The following ADGRG6 variants were observed in gnomAD, a reference collection of about 807,000 sequenced individuals.
ADGRG6 encodes G-protein coupled receptor 126.
In ADGRG6, 84 loss-of-function variants were observed where a neutral mutation model predicts 142.4. The ratio of observed to expected loss-of-function variants is 0.59; its 90% CI spans 0.49 to 0.71. The LOEUF (loss-of-function observed/expected upper bound fraction) is 0.71. Among genes scored for constraint, ADGRG6 ranks in the 30% least tolerant of loss-of-function variants. The pLI is 0.00. For synonymous variants in ADGRG6, 521 were observed against 520.5 expected (o/e 1.00, Z -0.01); for missense variants, 1,367 against 1,466.6 (o/e 0.93, Z 1.11).
chr6:142,312,884 G>A (rs905028308), intron 2 of ADGRG6, among the ~76,000 whole-genome samples: 4 of 152,066 alleles, frequency 2.6e-5, no homozygotes, highest in African/African-American at 9.7e-5. Flanking sequence ...TGGTCAAACT[G>A]CCTATTTGCT....
intron 2 of ADGRG6, among the ~76,000 whole-genome samples, chr6:142,318,244 A>ATATTATATATATATATTATATATATT (rs1778306786): frequency 2.0e-5 from 1 of 50,644 alleles, no homozygotes; most frequent in African/African-American, 1.0e-4. Context: ...ATATATATTT[A>ATATTATATATATATATTATATATATT]TATATTATAT....
Position 142,370,749 on chromosome 6 carries a change from A to T in ADGRG6, c.1025A>T (p.Asn342Ile), listed in dbSNP as rs749360660. Residue 342 changes from asparagine to isoleucine, a missense_variant, in exon 4 of 25, where the codon AAT (asparagine) becomes ATT (isoleucine). By Grantham distance (149) the Asn-to-Ile change is moderately radical. This residue lies in a region of ADGRG6 where 737 missense variants were observed against 746.5 expected (regional missense o/e 0.99). Coordinates refer to ENST00000367609, the MANE Select transcript of ADGRG6 (RefSeq NM_198569.3). ...GTCGACTGGCAAAATGACTTCTGGA[A>T]TATCCCAAACCTAGCTCTGAAAGCT... Reference protein sequence around the residue: ...NVVDWQNDFWNIPNLALKAES... With the variant: ...NVVDWQNDFWIIPNLALKAES... The T allele has an allele frequency of 6.2e-7, 1 of 1,613,838 alleles. No homozygotes were observed. The highest frequency in any genetic ancestry group is 1.3e-5 in the African/African-American group (1 of 75,016).
chr6:142,302,518 G>A, intron 1 of ADGRG6, 187 bp downstream of exon 1: 1 of 574,504 alleles, frequency 1.7e-6, no homozygotes, highest in Non-Finnish European at 3.0e-6. Context: ...CTATTGCCAA[G>A]TGGAGTTGTG....
At chr6:142,352,300 C>T (rs894446322) in intron 2 of ADGRG6, among the ~76,000 whole-genome samples, 2 of 152,158 alleles carry the variant, frequency 1.3e-5, no homozygotes, top group African/African-American at 2.4e-5. Context: ...AGAATGAAAT[C>T]ATTTCCTGTG....
chr6:142,318,255 ATATT>A (rs1178667452), intron 2 of ADGRG6, among the ~76,000 whole-genome samples: 2 of 66,462 alleles, frequency 3.0e-5, no homozygotes, highest in Non-Finnish European at 5.0e-5. Context: ...TATATTATAT[ATATT>A]TATTATATAT....
chr6:142,436,761 G>A lies in ADGRG6; in HGVS notation c.3320-673G>A, dbSNP rs531826963. 2.9e-4 allele frequency among the ~76,000 whole-genome samples: 44 copies of A among 152,294 alleles called. No individual in the cohort carries two copies. The South Asian group carries it at 5.2e-3, about 18-fold the overall frequency. On this transcript the variant is annotated intron_variant, in intron 22 of 24. Coordinates refer to ENST00000367609, the MANE Select transcript of ADGRG6 (RefSeq NM_198569.3). Reference sequence around the variant, plus strand: ...AAGCAAATGCCCTGAAAAGTTAAAAGGGATTGGCTTCTAAGATACAAATGA... The same window carrying A: ...AAGCAAATGCCCTGAAAAGTTAAAAAGGATTGGCTTCTAAGATACAAATGA...
At chr6:142,417,100 G>T (rs1233350436) in intron 20 of ADGRG6, 173 bp from the exon 21 acceptor site, 2 of 667,168 alleles carry the variant, frequency 3.0e-6, no homozygotes, top group Non-Finnish European at 5.5e-6. Context: ...CCAAGGAGGG[G>T]ATTTTGTTGT....
intron 2 of ADGRG6, among the ~76,000 whole-genome samples, chr6:142,326,601 G>A (rs186379735): frequency 6.6e-6 from 1 of 151,276 alleles, no homozygotes; most frequent in East Asian, 2.0e-4. Context: ...ACAGAGTTTT[G>A]TTCTTATGTA....
intron 2 of ADGRG6, among the ~76,000 whole-genome samples, chr6:142,349,023 G>C (rs1290214417): frequency 6.6e-6 from 1 of 152,222 alleles, no homozygotes; most frequent in East Asian, 1.9e-4. Flanking sequence ...ACATTTTAAA[G>C]CATTAATGCT....
chr6:142,371,495 T>G (rs1285137639), intron 4 of ADGRG6, among the ~76,000 whole-genome samples: 5 of 148,762 alleles, frequency 3.4e-5, no homozygotes, highest in African/African-American at 1.2e-4. Flanking sequence ...TTTTTTTTTT[T>G]TTTTTTGAGA....
In ADGRG6 at chr6:142,438,252, T is replaced by C; in HGVS notation, c.3462T>C (p.Ser1154=). ...CTACCAATATCATCAAGAAAAGTTC[T>C]GATAATCTAGGAAAATCTTTGTCTT... ...KTATNIIKKS[S]DNLGKSLSSS... Residue 1154 remains serine (S), a synonymous_variant, in exon 24 of 25, where the codon TCT becomes TCC. Coordinates refer to ENST00000367609, the MANE Select transcript of ADGRG6 (RefSeq NM_198569.3). 2 of 1,605,968 alleles carry C rather than the reference T, an allele frequency of 1.2e-6. No individual in the cohort carries two copies. The highest frequency in any genetic ancestry group is 1.7e-6 in the Non-Finnish European group (2 of 1,175,096).
chr6:142,331,216 G>A (rs184580075), intron 2 of ADGRG6, among the ~76,000 whole-genome samples: 4 of 151,468 alleles, frequency 2.6e-5, no homozygotes, highest in African/African-American at 7.3e-5. Context: ...TCTAACCTTT[G>A]CCATCTGTAT....
intron 2 of ADGRG6, among the ~76,000 whole-genome samples, chr6:142,346,794 A>G (rs1220072692): frequency 7.0e-6 from 1 of 143,694 alleles, no homozygotes; most frequent in Admixed American, 7.5e-5. Flanking sequence ...CAAACACCAC[A>G]TGCTCTCACT....
Position 142,415,040 on chromosome 6 carries a change from G to T in ADGRG6, c.2613G>T (p.Gly871=). The T allele has an allele frequency of 6.2e-7, 1 of 1,610,372 alleles. No individual in the cohort carries two copies. The highest frequency in any genetic ancestry group is 8.5e-7 in the Non-Finnish European group (1 of 1,177,882). The change falls in exon 19 of 25, where the codon GGG becomes GGT. Residue 871 remains glycine (G), a synonymous_variant. Coordinates refer to ENST00000367609, the MANE Select transcript of ADGRG6 (RefSeq NM_198569.3). ...TKVLTFISYI[G]CGISAIFSAA... is the part of the protein sequence containing the mutation. The stretch of plus-strand genomic sequence containing the variant: ...TCCTCACTTTCATCAGCTATATTGG[G>T]TGTGGAATATCTGCTATTTTTTCAG...
Position 142,415,081 on chromosome 6 carries a change from C to T in ADGRG6, c.2654C>T (p.Thr885Ile), listed in dbSNP as rs1776289645. The change falls in exon 19 of 25, where the codon ACA (threonine) becomes ATA (isoleucine). Residue 885 changes from threonine to isoleucine, a missense_variant. Physicochemically the swap from Thr to Ile is moderately conservative, Grantham distance 89. Coordinates refer to ENST00000367609, the MANE Select transcript of ADGRG6 (RefSeq NM_198569.3). ...SAIFSAATLL[T>I]YVAFEKLRRD... Reference sequence around the variant, plus strand: ...ATTTTTTCAGCAGCAACTCTCCTGACATATGTTGCTTTTGAGTAAGTATAT... The same window carrying T: ...ATTTTTTCAGCAGCAACTCTCCTGATATATGTTGCTTTTGAGTAAGTATAT... The T allele has an allele frequency of 6.2e-7, 1 of 1,610,096 alleles. No individual in the cohort carries two copies.
At position 142,353,435 on chromosome 6, in the gene ADGRG6, C is replaced by G. The variant is rs2114785593; in HGVS notation, c.104-14134C>G. Among the ~76,000 whole-genome samples, 3 of 152,194 alleles carry G rather than the reference C, an allele frequency of 2.0e-5. No homozygotes were observed. In the South Asian group the frequency reaches 6.2e-4, roughly 32 times the overall value. On this transcript the variant is annotated intron_variant, in intron 2 of 24. Coordinates refer to ENST00000367609, the MANE Select transcript of ADGRG6 (RefSeq NM_198569.3). ...TTAGTGTAGGATGTCTCCCTCCCAG[C>G]CTTTCCCTGAAATCTTGCATCAAAT...
At chr6:142,380,214 A>G (rs1456853575) in intron 4 of ADGRG6, among the ~76,000 whole-genome samples, 1 of 152,168 alleles carries the variant, frequency 6.6e-6, no homozygotes, top group African/African-American at 2.4e-5. Context: ...AATGTTTCTT[A>G]TCAGACTTAG....
Position 142,445,881 on chromosome 6 carries a change from A to G in ADGRG6, c.*2366A>G, listed in dbSNP as rs944919825. ...TTTTAAACTACATTGTGTTAGAGTCATAGTCTAGGATCCTGAGAGATTTTC... is the reference window on the plus strand; with the variant it reads ...TTTTAAACTACATTGTGTTAGAGTCGTAGTCTAGGATCCTGAGAGATTTTC... On this transcript the variant is annotated 3_prime_UTR_variant, in exon 25 of 25. Coordinates refer to ENST00000367609, the MANE Select transcript of ADGRG6 (RefSeq NM_198569.3). 1.3e-5 allele frequency: 2 copies of G among 152,138 alleles called. No homozygotes were observed. The highest frequency in any genetic ancestry group is 4.8e-5 in the African/African-American group (2 of 41,438). The allele number at this position is 152,138 out of a possible 1,614,324, so 9.4% of individuals were successfully genotyped here.
chr6:142,409,882 T>C lies in ADGRG6; in HGVS notation c.2397T>C (p.His799=). The C allele has an allele frequency of 6.8e-7, 1 of 1,471,246 alleles. No individual in the cohort carries two copies. 91.1% of individuals were successfully genotyped at this position (1,471,246 alleles called of 1,614,324 possible). The change falls in exon 17 of 25, where the codon CAT becomes CAC. Residue 799 remains histidine, a synonymous_variant. Coordinates refer to ENST00000367609, the MANE Select transcript of ADGRG6 (RefSeq NM_198569.3). The part of the protein sequence containing the change: ...KIKHTRTQEV[H]HPICAFWDLN... ...TTCTTATGTTAATATAGGAAGTGCA[T>C]CATCCCATCTGTGCCTTCTGGGATC...
Sources: allele counts gnomAD v4.1 joint callset (sites outside exome capture counted in the v4.1 genomes callset), GRCh38; gene constraint gnomAD v4.1.1; regional missense constraint gnomAD v4.1.1; transcripts MANE v1.5; gene names NCBI Gene and HGNC (gene_info 2026-07-23, HGNC 2026-07-21).